Variants in PELP1 observed in about 807,000 individuals in gnomAD.
PELP1 encodes the protein proline-, glutamic acid- and leucine-rich protein 1.
Under a neutral mutation model 95.5 loss-of-function variants are expected in PELP1, and 32 were observed. The ratio of observed to expected loss-of-function variants is 0.34; its 90% CI spans 0.25 to 0.45. The LOEUF (loss-of-function observed/expected upper bound fraction) is 0.45. Among genes scored for constraint, PELP1 ranks in the 20% least tolerant of loss-of-function variants. PELP1 has a pLI of 1.00. For missense variants in PELP1, 1,358 were observed against 1,444.8 expected, an observed-to-expected ratio of 0.94 and a Z score of 0.97; for synonymous variants, 668 against 600.1, an observed-to-expected ratio of 1.11 and a Z score of -1.65.
At chr17:4,684,201 T>A (rs909607842) in intron 3 of PELP1, among the ~76,000 whole-genome samples, 1 of 152,138 alleles carries the variant, frequency 6.6e-6, no homozygotes, top group East Asian at 1.9e-4. Flanking sequence ...AAAATACTTA[T>A]GAAGCAAAAA....
intron 3 of PELP1, among the ~76,000 whole-genome samples, chr17:4,685,074 T>C (rs1298140470): frequency 6.6e-6 from 1 of 152,160 alleles, no homozygotes; most frequent in Non-Finnish European, 1.5e-5. Flanking sequence ...GAGCCCAGCA[T>C]CTCGAAAAGA....
At chr17:4,695,676 A>G (rs1309943621) in intron 1 of PELP1, among the ~76,000 whole-genome samples, 18 of 150,358 alleles carry the variant, frequency 1.2e-4, no homozygotes, top group East Asian at 2.0e-4. Context: ...TTAAAAAAAA[A>G]AAAAAAAAAA....
rs1475114306 is a variant in PELP1, at chr17:4,683,521, G to GTTTTC, written c.421-574_421-570dup. On this transcript the variant is annotated intron_variant, in intron 3 of 16. Coordinates refer to ENST00000572293, the MANE Select transcript of PELP1 (RefSeq NM_014389.3). ...GGTGTGAGCCATCACGCCCAGCTGA[G>GTTTTC]TTTTCTTTTCTTTTTTTTTTTTTTT... Among the ~76,000 whole-genome samples, 37 of 37,540 alleles carry GTTTTC rather than the reference G, an allele frequency of 9.9e-4. 1 individual carries two copies. Among genetic ancestry groups the GTTTTC allele is most frequent in the South Asian group, 3.7e-3 (3 of 818 alleles). 24.6% of individuals were successfully genotyped at this position (37,540 alleles called of 152,430 possible).
intron 13 of PELP1, among the ~76,000 whole-genome samples, chr17:4,674,128 G>A (rs375516229): frequency 6.6e-5 from 10 of 152,338 alleles, no homozygotes; most frequent in African/African-American, 2.2e-4. Context: ...CCGCATGCTG[G>A]AACTCTGCCT....
Position 4,675,986 on chromosome 17 carries a change from A to T in PELP1, c.980+50T>A. 2 of 1,608,624 alleles carry T rather than the reference A, an allele frequency of 1.2e-6. No homozygotes were observed. Among genetic ancestry groups the T allele is most frequent in the Non-Finnish European group, 1.7e-6 (2 of 1,176,614 alleles). On this transcript the variant is annotated intron_variant, in intron 8 of 16. Transcript: ENST00000572293. This position sits in a 1 kb window ranked among gnomAD's most constrained non-coding sequence, Gnocchi z 4.3. The stretch of plus-strand genomic sequence containing the variant: ...CTCCTGATGAAGGCGACACTCCCTC[A>T]TCAATCCCTCCTGCTCCACGCCTCC...
At chr17:4,681,537 A>C (rs1200141472) in intron 5 of PELP1, among the ~76,000 whole-genome samples, 3 of 151,280 alleles carry the variant, frequency 2.0e-5, no homozygotes, top group Non-Finnish European at 2.9e-5. Context: ...CGCAGTAGCT[A>C]ATGCCTGTAA....
intron 3 of PELP1, among the ~76,000 whole-genome samples, chr17:4,683,698 T>A (rs1402764725): frequency 6.6e-6 from 1 of 151,354 alleles, no homozygotes; most frequent in Non-Finnish European, 1.5e-5. Context: ...GCTTGGCTAA[T>A]TTTTGTATTT....
chr17:4,686,876 T>C (rs915560503), intron 3 of PELP1, among the ~76,000 whole-genome samples: 1 of 152,092 alleles, frequency 6.6e-6, no homozygotes, highest in Non-Finnish European at 1.5e-5. Context: ...AAACCTTCCA[T>C]GAGTTGCCAC....
rs1912331208 is a variant in PELP1 at position 4,673,594 on chromosome 17, T to C, written c.1638+25A>G. On this transcript the variant is annotated intron_variant, in intron 14 of 16. Transcript: ENST00000572293. This position sits in a 1 kb window ranked among gnomAD's most constrained non-coding sequence, Gnocchi z 5.7. Reference sequence around the variant, plus strand: ...CAGAGCAGGGGCCCCTTCCCCTATCTCCACGGAGACGAGGCTCCACTAACC... The same window carrying C: ...CAGAGCAGGGGCCCCTTCCCCTATCCCCACGGAGACGAGGCTCCACTAACC... 1.2e-6 allele frequency: 2 copies of C among 1,611,278 alleles called. No homozygotes were observed. Among genetic ancestry groups the C allele is most frequent in the African/African-American group, 2.7e-5 (2 of 74,988 alleles).
intron 3 of PELP1, among the ~76,000 whole-genome samples, chr17:4,690,491 G>A (rs1483145363): frequency 2.0e-5 from 3 of 152,154 alleles, no homozygotes; most frequent in African/African-American, 7.2e-5. Flanking sequence ...GGAGGCTGAG[G>A]CAGGCGGATC....
intron 1 of PELP1, among the ~76,000 whole-genome samples, chr17:4,694,897 AGAGAATCGCTTGAACCCGG>A (rs1443377600): frequency 2.8e-4 from 42 of 150,984 alleles, no homozygotes; most frequent in South Asian, 1.1e-3. Context: ...CTTGAACCTG[AGAGAATCGCTTGAACCCGG>A]GAGAATCGCT....
chr17:4,685,253 G>A (rs190194130), intron 3 of PELP1, among the ~76,000 whole-genome samples: 2 of 152,168 alleles, frequency 1.3e-5, no homozygotes, highest in Admixed American at 1.3e-4. Flanking sequence ...CACCTCAGGA[G>A]GCACACACGG....
chr17:4,697,995 T>C (rs1197666636), intron 1 of PELP1, among the ~76,000 whole-genome samples: 1 of 150,214 alleles, frequency 6.7e-6, no homozygotes, highest in African/African-American at 2.4e-5. Flanking sequence ...GAATGACACA[T>C]CATTTCTGCA....
Position 4,675,049 on chromosome 17 carries a change from T to C in PELP1, c.1274+30A>G, listed in dbSNP as rs1237280946. 2 of 1,611,982 alleles carry C rather than the reference T, an allele frequency of 1.2e-6. No homozygotes were observed. The highest frequency in any genetic ancestry group is 2.7e-5 in the African/African-American group (2 of 74,864). On this transcript the variant is annotated intron_variant, in intron 11 of 16. Coordinates refer to ENST00000572293, the MANE Select transcript of PELP1 (RefSeq NM_014389.3). This position sits in a 1 kb window ranked among gnomAD's most constrained non-coding sequence, Gnocchi z 4.3. Reference sequence around the variant, plus strand: ...CACCCCCTCACCCCCCTCTCCTCTTTATTCCCTTCCTGCCTTCCTGGATGG... The same window carrying C: ...CACCCCCTCACCCCCCTCTCCTCTTCATTCCCTTCCTGCCTTCCTGGATGG...
chr17:4,692,207 C>T (rs1913131178), intron 1 of PELP1, among the ~76,000 whole-genome samples: 1 of 152,172 alleles, frequency 6.6e-6, no homozygotes, highest in Non-Finnish European at 1.5e-5. Context: ...GTGGCTCACG[C>T]CTGTAATCCC....
At position 4,676,361 on chromosome 17, in the gene PELP1, C is replaced by A. The variant is rs1281042818; in HGVS notation, c.849G>T (p.Glu283Asp). Residue 283 changes from glutamate (E) to aspartate (D), a missense_variant, in exon 7 of 17, where the codon GAG (glutamate) becomes GAT (aspartate). Glu to Asp is a conservative substitution (Grantham distance 45). Transcript: ENST00000572293. ...TLLGALYEGA[E>D]TAPVQNEGPG... ...ACTAGCAGCCCTGGTCCCTACCAGT[C>A]TCTGCTCCCTCGTACAGGGCCCCCA... 4 of 1,613,174 alleles carry A rather than the reference C, an allele frequency of 2.5e-6. No individual in the cohort carries two copies. The highest frequency in any genetic ancestry group is 2.2e-5 in the East Asian group (1 of 44,874).
At chr17:4,687,549 A>G (rs1020434377) in intron 3 of PELP1, among the ~76,000 whole-genome samples, 33 of 152,058 alleles carry the variant, frequency 2.2e-4, no homozygotes, top group South Asian at 8.3e-4. Flanking sequence ...AGGAATCAGT[A>G]AATGATGGTC....
rs1053627264 is a variant in PELP1, at chr17:4,703,587, C to T, written c.249+276G>A. 2.0e-5 allele frequency among the ~76,000 whole-genome samples: 3 copies of T among 152,130 alleles called. 1 individual carries two copies. Among genetic ancestry groups the T allele is most frequent in the East Asian group, 3.8e-4 (2 of 5,202 alleles). On this transcript the variant is annotated intron_variant, in intron 1 of 16. Coordinates refer to ENST00000572293, the MANE Select transcript of PELP1 (RefSeq NM_014389.3). The stretch of plus-strand genomic sequence containing the variant: ...AAAAAGAGACTTTTAGATTATACAA[C>T]TAGTGAGTGACCGGGCCTGGAACCT...
chr17:4,677,382 G>C (rs1302956856), intron 5 of PELP1, among the ~76,000 whole-genome samples: 1 of 152,114 alleles, frequency 6.6e-6, no homozygotes, highest in Non-Finnish European at 1.5e-5. Context: ...CAATCATAGG[G>C]GGCCTGTGAT....
Sources: allele counts gnomAD v4.1 joint callset (sites outside exome capture counted in the v4.1 genomes callset), GRCh38; gene constraint gnomAD v4.1.1; non-coding constraint Gnocchi (gnomAD v3.1); transcripts MANE v1.5; gene names NCBI Gene and HGNC (gene_info 2026-07-23, HGNC 2026-07-21).